Variants in COL25A1 observed in about 807,000 individuals in gnomAD.
COL25A1 encodes collagen alpha-1(XXV) chain.
A neutral mutation model predicts 128.4 loss-of-function variants in COL25A1; 103 were observed. The observed-to-expected ratio is 0.80, with a 90% CI of 0.68 to 0.94. The LOEUF (loss-of-function observed/expected upper bound fraction) is 0.94, where lower values mean the gene tolerates loss of function less well. COL25A1 is among the 40% of genes least tolerant of loss of function. The pLI is 0.00. For missense variants in COL25A1, 745 were observed against 840.0 expected (o/e 0.89, Z 1.40); for synonymous variants, 279 against 277.2 (o/e 1.01, Z -0.06).
intron 6 of COL25A1, 85 bp downstream of exon 6, chr4:109,010,273 A>G: frequency 1.8e-6 from 2 of 1,083,688 alleles, no homozygotes; most frequent in East Asian, 2.5e-5. Flanking sequence ...TAGCTTTTTT[A>G]TATCTTTTGA....
chr4:108,814,747 G>C (rs1731093163), intron 37 of COL25A1, among the ~76,000 whole-genome samples: 2 of 152,108 alleles, frequency 1.3e-5, no homozygotes, highest in Admixed American at 1.3e-4. Flanking sequence ...GTGTTTATTA[G>C]GTTGTAGGGC....
At position 109,218,357 on chromosome 4, in the gene COL25A1, G is replaced by GTTTTTTTT. The variant is rs34056401; in HGVS notation, c.367+82218_367+82225dup. On this transcript the variant is annotated intron_variant, in intron 3 of 37. Transcript: ENST00000399132. The stretch of plus-strand genomic sequence containing the variant: ...CAGAATCAATTGCTGGTTTTTTGGG[G>GTTTTTTTT]TTTTTTTTTTTTTTTTTTTTTTTTT... Among the ~76,000 whole-genome samples the GTTTTTTTT allele has an allele frequency of 2.2e-3, 164 of 73,566 alleles. 1 individual carries two copies. The highest frequency in any genetic ancestry group is 5.7e-3 in the South Asian group (8 of 1,402). 48.3% of individuals were successfully genotyped at this position (73,566 alleles called of 152,430 possible). A position where few individuals can be genotyped will look rare whatever the true frequency, so the allele number is the denominator to read the frequency against.
At chr4:109,048,477 G>A (rs1760662302) in intron 4 of COL25A1, among the ~76,000 whole-genome samples, 1 of 152,112 alleles carries the variant, frequency 6.6e-6, no homozygotes, top group African/African-American at 2.4e-5. Context: ...ATTTATAAAA[G>A]TTTAGAGAAG....
rs577629451 is a variant in COL25A1 at position 109,235,893 on chromosome 4, T to G, written c.367+64690A>C. 2.6e-5 allele frequency among the ~76,000 whole-genome samples: 4 copies of G among 152,204 alleles called. No individual in the cohort carries two copies. The South Asian group carries it at 8.3e-4, about 32-fold the overall frequency. ...AAAGTTATTTCTAAGAATAACCTTC[T>G]CATTGGCACAGATTGGGCAGTTAGC... On this transcript the variant is annotated intron_variant, in intron 3 of 37. Coordinates refer to ENST00000399132, the MANE Select transcript of COL25A1 (RefSeq NM_198721.4).
intron 26 of COL25A1, 53 bp from the exon 27 acceptor site, chr4:108,848,856 C>T: frequency 7.3e-7 from 1 of 1,377,358 alleles, no homozygotes; most frequent in Non-Finnish European, 1.0e-6. Context: ...TAACATACTG[C>T]ACTACATAAA....
At chr4:109,118,784 A>T (rs1388288739) in intron 3 of COL25A1, among the ~76,000 whole-genome samples, 3 of 152,022 alleles carry the variant, frequency 2.0e-5, no homozygotes, top group Non-Finnish European at 2.9e-5. Flanking sequence ...TTACAGTTGG[A>T]CACTTACACC....
intron 24 of COL25A1, among the ~76,000 whole-genome samples, chr4:108,855,665 GAAT>G (rs1736405425): frequency 6.6e-6 from 1 of 151,972 alleles, no homozygotes; most frequent in African/African-American, 2.4e-5. Context: ...CAAAATAAAA[GAAT>G]ATTATTAATA....
intron 3 of COL25A1, among the ~76,000 whole-genome samples, chr4:109,106,251 G>C (rs1054790537): frequency 5.9e-5 from 9 of 152,128 alleles, no homozygotes; most frequent in Non-Finnish European, 1.3e-4. Flanking sequence ...CCAGCCACAA[G>C]CACCATTTCT....
intron 11 of COL25A1, among the ~76,000 whole-genome samples, chr4:108,925,690 A>C (rs1221942062): frequency 6.6e-6 from 1 of 152,234 alleles, no homozygotes; most frequent in African/African-American, 2.4e-5. Flanking sequence ...AACTTTAGAC[A>C]ATAGTGTCTC....
intron 3 of COL25A1, among the ~76,000 whole-genome samples, chr4:109,221,013 T>A (rs1462350866): frequency 2.0e-5 from 3 of 152,216 alleles, no homozygotes; most frequent in East Asian, 3.9e-4. Context: ...AGCCATAAAC[T>A]TCCAGGAAGC....
intron 3 of COL25A1, among the ~76,000 whole-genome samples, chr4:109,251,707 C>G (rs149941606): frequency 2.4e-4 from 37 of 152,306 alleles, no homozygotes; most frequent in African/African-American, 7.9e-4. Flanking sequence ...TCTAGACCAG[C>G]AGAGCATAAG....
At chr4:109,130,554 G>C (rs1371798047) in intron 3 of COL25A1, among the ~76,000 whole-genome samples, 1 of 150,268 alleles carries the variant, frequency 6.7e-6, no homozygotes, top group Non-Finnish European at 1.5e-5. Context: ...AGTAAAAAGG[G>C]GAAGGAGTGA....
intron 3 of COL25A1, among the ~76,000 whole-genome samples, chr4:109,261,553 C>T (rs1781445231): frequency 6.6e-6 from 1 of 152,058 alleles, no homozygotes; most frequent in South Asian, 2.1e-4. Context: ...CAAAGAAATT[C>T]ATTTTGTTTC....
chr4:108,948,278 A>C (rs28625033), intron 8 of COL25A1, among the ~76,000 whole-genome samples: 67,251 of 151,980 alleles, frequency 0.44, 16,247 homozygotes, highest in East Asian at 0.75. Flanking sequence ...GAATAGAAAA[A>C]TCAACTATAT....
intron 8 of COL25A1, among the ~76,000 whole-genome samples, chr4:108,966,958 A>G (rs1199521006): frequency 8.0e-5 from 12 of 150,680 alleles, no homozygotes; most frequent in South Asian, 4.2e-4. Context: ...AGAAAGAAAA[A>G]GAAAGAAAGA....
chr4:109,076,022 A>AT (rs1277679275), intron 3 of COL25A1, among the ~76,000 whole-genome samples: 27 of 152,140 alleles, frequency 1.8e-4, no homozygotes, highest in Admixed American at 1.8e-3. Context: ...ACAGTATAGT[A>AT]TAACAATTAT....
chr4:109,163,987 T>C (rs1442194034), intron 3 of COL25A1, among the ~76,000 whole-genome samples: 1 of 152,186 alleles, frequency 6.6e-6, no homozygotes, highest in Non-Finnish European at 1.5e-5. Flanking sequence ...ACCTGAGTAA[T>C]ATAAATTAAC....
chr4:109,110,076 G>A (rs1025812375), intron 3 of COL25A1, among the ~76,000 whole-genome samples: 5 of 152,096 alleles, frequency 3.3e-5, no homozygotes, highest in South Asian at 4.1e-4. Context: ...CTAGAGGTCC[G>A]GGATTCTTTG....
Position 108,963,978 on chromosome 4 carries a change from G to A in COL25A1, c.492+10389C>T, listed in dbSNP as rs923796368. Among the ~76,000 whole-genome samples the A allele has an allele frequency of 2.6e-5, 4 of 151,062 alleles. No individual in the cohort carries two copies. In the South Asian group the frequency reaches 8.3e-4, roughly 31 times the overall value. On this transcript the variant is annotated intron_variant, in intron 8 of 37. Coordinates refer to ENST00000399132, the MANE Select transcript of COL25A1 (RefSeq NM_198721.4). ...TTACATGAACAATAAGCAGAAAAGT[G>A]TGGACAAATGAAATCTCTTTACTCC... is the stretch of plus-strand genomic sequence containing the variant.
Sources: gnomAD v4.1 joint callset for allele counts (sites outside exome capture counted in the v4.1 genomes callset) on GRCh38, gnomAD v4.1.1 for gene constraint, MANE v1.5 for transcripts, NCBI Gene and HGNC (gene_info 2026-07-23, HGNC 2026-07-21) for gene names.